Variants in ADAM29 observed in about 807,000 individuals in gnomAD.
The protein encoded by ADAM29 is disintegrin and metalloproteinase domain-containing protein 29.
For synonymous variants in ADAM29, 367 were observed against 342.3 expected (o/e 1.07, Z -0.80); for missense variants, 969 against 1,001.8 (o/e 0.97, Z 0.44).
chr4:174,956,100 C>G (rs890786918), intron 4 of ADAM29, among the ~76,000 whole-genome samples: 2 of 151,964 alleles, frequency 1.3e-5, no homozygotes, highest in Non-Finnish European at 2.9e-5. Flanking sequence ...ATAGCTTTAC[C>G]ATTCTCTTCA....
chr4:174,922,408 A>G (rs1743213527), intron 2 of ADAM29, among the ~76,000 whole-genome samples: 1 of 152,190 alleles, frequency 6.6e-6, no homozygotes, highest in African/African-American at 2.4e-5. Flanking sequence ...ACAGAGGGTC[A>G]TAACTGGAGT....
At chr4:174,966,000 C>T (rs1250507785) in intron 4 of ADAM29, among the ~76,000 whole-genome samples, 2 of 152,156 alleles carry the variant, frequency 1.3e-5, no homozygotes, top group Admixed American at 6.5e-5. Context: ...CAGGACCTCT[C>T]GCAGATACCA....
rs34485349 is a variant in ADAM29, at chr4:174,975,988, G to A, written c.463G>A (p.Glu155Lys). The change falls in exon 5 of 5, where the codon GAG becomes AAG. Residue 155 changes from glutamate to lysine, a missense_variant. Physicochemically the swap from Glu to Lys is moderately conservative, Grantham distance 56. Coordinates refer to ENST00000359240, the MANE Select transcript of ADAM29 (RefSeq NM_014269.4). ...ACATCTGGTATACAAGATGGACAGT[G>A]AGGAGAAACAATTTTCAACCATGAG... is the stretch of plus-strand genomic sequence containing the variant. ...FEHLVYKMDS[E>K]EKQFSTMRSG... 7.1e-4 allele frequency: 1,152 copies of A among 1,614,008 alleles called. 1 individual carries two copies. The highest frequency in any genetic ancestry group is 9.1e-4 in the Non-Finnish European group (1,077 of 1,180,006).
chr4:174,932,644 A>C (rs900334761), intron 3 of ADAM29, among the ~76,000 whole-genome samples: 1 of 152,214 alleles, frequency 6.6e-6, no homozygotes, highest in Admixed American at 6.5e-5. Flanking sequence ...AGACCATAGC[A>C]TAAGCCAAGT....
chr4:174,948,800 T>C (rs973537628), intron 4 of ADAM29, among the ~76,000 whole-genome samples: 2 of 152,146 alleles, frequency 1.3e-5, no homozygotes, highest in Non-Finnish European at 2.9e-5. Flanking sequence ...TGTTGGCACC[T>C]GTGCACAAGT....
chr4:174,941,822 C>G (rs923738048), intron 4 of ADAM29, among the ~76,000 whole-genome samples: 3 of 152,014 alleles, frequency 2.0e-5, no homozygotes, highest in African/African-American at 7.3e-5. Flanking sequence ...CAGCGTAACT[C>G]AAAAGTCCAA....
intron 2 of ADAM29, among the ~76,000 whole-genome samples, chr4:174,928,692 T>G (rs1476168813): frequency 6.6e-6 from 1 of 152,052 alleles, no homozygotes; most frequent in Admixed American, 6.6e-5. Flanking sequence ...GGGACAGTTT[T>G]TAATGACAAA....
rs1044498419 is a variant in ADAM29, at chr4:174,937,198, A to G, written c.-181+185A>G. Among the ~76,000 whole-genome samples the G allele has an allele frequency of 5.9e-5, 9 of 152,112 alleles. No homozygotes were observed. The South Asian group carries it at 8.3e-4, about 14-fold the overall frequency. On this transcript the variant is annotated intron_variant, in intron 4 of 4. Transcript: ENST00000359240. ...AATTTCCATAGAGCTTTCTTTCTCAATGAAAGAGGTCACTAATTCCTTCAC... is the reference window on the plus strand; with the variant it reads ...AATTTCCATAGAGCTTTCTTTCTCAGTGAAAGAGGTCACTAATTCCTTCAC...
At chr4:174,927,024 A>G (rs1258261338) in intron 2 of ADAM29, among the ~76,000 whole-genome samples, 2 of 152,228 alleles carry the variant, frequency 1.3e-5, no homozygotes, top group African/African-American at 4.8e-5. Context: ...GATACTCAGT[A>G]TCATTAGTCA....
chr4:174,952,603 C>T (rs957033857), intron 4 of ADAM29, among the ~76,000 whole-genome samples: 1 of 152,108 alleles, frequency 6.6e-6, no homozygotes, highest in African/African-American at 2.4e-5. Flanking sequence ...AAACTAACTT[C>T]ACTCAGAGAT....
intron 2 of ADAM29, among the ~76,000 whole-genome samples, chr4:174,930,088 C>T (rs918105103): frequency 1.3e-5 from 2 of 152,066 alleles, no homozygotes; most frequent in African/African-American, 4.8e-5. Flanking sequence ...GCCACCATGC[C>T]CGGCTCATTT....
Position 174,977,382 on chromosome 4 carries a change from C to A in ADAM29, c.1857C>A (p.Thr619=). 6.2e-7 allele frequency: 1 copy of A among 1,613,776 alleles called. No homozygotes were observed. Residue 619 remains threonine, a synonymous_variant, in exon 5 of 5, where the codon ACC becomes ACA. Coordinates refer to ENST00000359240, the MANE Select transcript of ADAM29 (RefSeq NM_014269.4). ...ICIHRHCVHI[T]ILNSNCSPAF... ...TCCACAGGCACTGTGTCCATATAACCATCTTGAATAGTAATTGCTCACCTG... is the reference window on the plus strand; with the variant it reads ...TCCACAGGCACTGTGTCCATATAACAATCTTGAATAGTAATTGCTCACCTG...
At chr4:174,928,384 C>T (rs939277019) in intron 2 of ADAM29, among the ~76,000 whole-genome samples, 3 of 151,684 alleles carry the variant, frequency 2.0e-5, no homozygotes, top group Non-Finnish European at 2.9e-5. Flanking sequence ...ACATGTCAAC[C>T]GCATCCTGTA....
chr4:174,936,532 T>C (rs1034716970), intron 3 of ADAM29, among the ~76,000 whole-genome samples: 1 of 152,026 alleles, frequency 6.6e-6, no homozygotes, highest in Non-Finnish European at 1.5e-5. Flanking sequence ...TGGCAACTCA[T>C]TATAACTTTA....
chr4:174,965,481 TATC>T (rs111302490), intron 4 of ADAM29, among the ~76,000 whole-genome samples: 59 of 130,166 alleles, frequency 4.5e-4, no homozygotes, highest in South Asian at 1.3e-3. Context: ...AAGCTCTATC[TATC>T]ATCTATCTAT....
intron 2 of ADAM29, among the ~76,000 whole-genome samples, chr4:174,929,967 C>T (rs892185782): frequency 1.7e-4 from 25 of 150,394 alleles, no homozygotes; most frequent in Non-Finnish European, 3.1e-4. Flanking sequence ...CTCAGTCTGT[C>T]GCCCAGGCTG....
At chr4:174,925,651 A>G (rs1743475132) in intron 2 of ADAM29, among the ~76,000 whole-genome samples, 2 of 152,338 alleles carry the variant, frequency 1.3e-5, no homozygotes, top group South Asian at 4.1e-4. Flanking sequence ...GAGTCTTGAT[A>G]ACTCTTATAC....
intron 4 of ADAM29, among the ~76,000 whole-genome samples, chr4:174,963,923 C>T (rs188228580): frequency 6.6e-6 from 1 of 152,184 alleles, no homozygotes; most frequent in Admixed American, 6.5e-5. Flanking sequence ...CCTGCCTCAA[C>T]CTCCCAAAGT....
chr4:174,944,612 T>C (rs6824765), intron 4 of ADAM29, among the ~76,000 whole-genome samples: 140,037 of 152,146 alleles, frequency 0.92, 64,464 homozygotes, highest in East Asian at 0.96. Context: ...TTTGATGTAC[T>C]GATTATTTTG....
Sources: gnomAD v4.1 joint callset for allele counts (sites outside exome capture counted in the v4.1 genomes callset) on GRCh38, gnomAD v4.1.1 for gene constraint, MANE v1.5 for transcripts, NCBI Gene and HGNC (gene_info 2026-07-23, HGNC 2026-07-21) for gene names.